Variants in ZDHHC21 observed in about 807,000 individuals in gnomAD.
ZDHHC21 encodes the protein zDHHC palmitoyltransferase 21, also known as palmitoyltransferase ZDHHC21.
In ZDHHC21, 15 loss-of-function variants were observed where a neutral mutation model predicts 34.6. The observed-to-expected ratio is 0.43, with a 90% confidence interval of 0.29 to 0.67. ZDHHC21 has a LOEUF of 0.67. Ranked by LOEUF, ZDHHC21 falls within the 30% of genes least tolerant of loss-of-function variation. The probability of loss-of-function intolerance (pLI) is 0.14; values close to 1 mark genes in which losing one functional copy is unlikely to be tolerated. For synonymous variants in ZDHHC21, 142 were observed against 101.8 expected, an observed-to-expected ratio of 1.40 and a Z score of -2.38; for missense variants, 344 against 327.7, an observed-to-expected ratio of 1.05 and a Z score of -0.38.
chr9:14,654,616 T>G (rs1056466315), intron 7 of ZDHHC21, among the ~76,000 whole-genome samples: 1 of 151,920 alleles, frequency 6.6e-6, no homozygotes, highest in East Asian at 1.9e-4. Context: ...TTAACACGTT[T>G]AAAAAAATAG....
At chr9:14,648,142 T>G (rs1830593209) in intron 7 of ZDHHC21, among the ~76,000 whole-genome samples, 2 of 152,126 alleles carry the variant, frequency 1.3e-5, no homozygotes, top group South Asian at 4.1e-4. Context: ...GCATTCTATC[T>G]CACAGCCCAC....
At chr9:14,621,178 G>A (rs926730276) in intron 8 of ZDHHC21, among the ~76,000 whole-genome samples, 7 of 151,976 alleles carry the variant, frequency 4.6e-5, no homozygotes, top group Admixed American at 3.9e-4. Flanking sequence ...AGAAGTCAAC[G>A]AGAAAGCTGA....
At chr9:14,607,857 C>T (rs760376470), downstream of ZDHHC21, among the ~76,000 whole-genome samples, 2 of 152,072 alleles carry the variant, frequency 1.3e-5, no homozygotes, top group African/African-American at 4.8e-5. Flanking sequence ...CCTACCACAG[C>T]GATTACCCAA....
At chr9:14,672,672 A>G (rs959399165) in intron 5 of ZDHHC21, among the ~76,000 whole-genome samples, 158 bp downstream of exon 5, 1 of 152,040 alleles carries the variant, frequency 6.6e-6, no homozygotes, top group African/African-American at 2.4e-5. Flanking sequence ...CAGGGTTGCA[A>G]TTTTAAGTAG....
chr9:14,615,133 A>G lies in ZDHHC21; in HGVS notation c.*3833T>C, dbSNP rs974537973. On this transcript the variant is annotated 3_prime_UTR_variant, in exon 10 of 10. Transcript: ENST00000380916. ...AACTACCCCATGATCTAACACACAG[A>G]AAATTGTGTAGCTATAATCTAAATC... is the stretch of plus-strand genomic sequence containing the variant. The G allele has an allele frequency of 5.9e-5, 9 of 151,738 alleles. No individual in the cohort carries two copies. Among genetic ancestry groups the G allele is most frequent in the African/African-American group, 1.9e-4 (8 of 41,428 alleles). The allele number at this position is 151,738 out of a possible 1,614,324, so 9.4% of individuals were successfully genotyped here.
intron 5 of ZDHHC21, among the ~76,000 whole-genome samples, chr9:14,663,002 C>T (rs1483250513): frequency 2.0e-5 from 3 of 152,160 alleles, no homozygotes; most frequent in South Asian, 2.1e-4. Context: ...TCATAAAACA[C>T]TGAACTACCA....
At chr9:14,598,833 C>A in the ZDHHC21 span, among the ~76,000 whole-genome samples, 56 of 152,292 alleles carry the variant, frequency 3.7e-4, no homozygotes, top group African/African-American at 1.3e-3. Context: ...CCTCACACTG[C>A]AGCCTCAACC....
chr9:14,684,165 C>T (rs1317063031), intron 2 of ZDHHC21, among the ~76,000 whole-genome samples: 1 of 151,050 alleles, frequency 6.6e-6, no homozygotes, highest in African/African-American at 2.4e-5. Context: ...CCTCTCTCAC[C>T]ACTCCTATTC....
chr9:14,646,451 G>C (rs888719213), intron 7 of ZDHHC21, among the ~76,000 whole-genome samples: 14 of 152,066 alleles, frequency 9.2e-5, no homozygotes, highest in Admixed American at 5.2e-4. Flanking sequence ...ATAAAAGTTA[G>C]TTATAAATGG....
intron 2 of ZDHHC21, among the ~76,000 whole-genome samples, chr9:14,685,853 C>T (rs1838221515): frequency 6.6e-6 from 1 of 152,182 alleles, no homozygotes; most frequent in Non-Finnish European, 1.5e-5. Context: ...GCACATTATA[C>T]ACCATGGAAT....
the ZDHHC21 span, among the ~76,000 whole-genome samples, chr9:14,603,397 G>A: frequency 6.6e-6 from 1 of 152,018 alleles, no homozygotes; most frequent in Admixed American, 6.6e-5. Flanking sequence ...AAATTTTTAA[G>A]ATAACCACTG....
the ZDHHC21 span, among the ~76,000 whole-genome samples, chr9:14,595,781 A>G: frequency 6.6e-6 from 1 of 152,232 alleles, no homozygotes; most frequent in African/African-American, 2.4e-5. Flanking sequence ...AGGAAAAAAA[A>G]GAAGACATCT....
chr9:14,644,538 C>A (rs780951393), intron 7 of ZDHHC21, among the ~76,000 whole-genome samples: 5 of 151,574 alleles, frequency 3.3e-5, no homozygotes, highest in Admixed American at 6.6e-5. Context: ...GAAGAAAGAC[C>A]ATTTATCTGA....
In ZDHHC21 at chr9:14,616,175, G is replaced by C. The variant is rs1824115782; in HGVS notation, c.*2791C>G. 1 of 151,598 alleles carries C rather than the reference G, an allele frequency of 6.6e-6. No homozygotes were observed. The allele number at this position is 151,598 out of a possible 1,614,324, so 9.4% of individuals were successfully genotyped here. A position where few individuals can be genotyped will look rare whatever the true frequency, so the allele number is the denominator to read the frequency against. The stretch of plus-strand genomic sequence containing the variant: ...ATTCATTAAAACACAGAAAATGCTT[G>C]GTTGTCTTTGTAGCTACAATACATT... On this transcript the variant is annotated 3_prime_UTR_variant, in exon 10 of 10. Transcript: ENST00000380916.
At position 14,619,044 on chromosome 9, in the gene ZDHHC21, A is replaced by G; in HGVS notation, c.720T>C (p.Arg240=). Residue 240 remains arginine, a synonymous_variant, in exon 10 of 10, where the codon CGT becomes CGC. Coordinates refer to ENST00000380916, the MANE Select transcript of ZDHHC21 (RefSeq NM_178566.6). ...QQTFSEVFGT[R]WKILWFIPFR... is the part of the protein sequence containing the mutation. Reference sequence around the variant, plus strand: ...AAGGAATGAACCACAGGATCTTCCAACGAGTGCCAAAAACTTCTGAGAAGG... The same window carrying G: ...AAGGAATGAACCACAGGATCTTCCAGCGAGTGCCAAAAACTTCTGAGAAGG... 1 of 1,612,458 alleles carries G rather than the reference A, an allele frequency of 6.2e-7. No individual in the cohort carries two copies. The highest frequency in any genetic ancestry group is 8.5e-7 in the Non-Finnish European group (1 of 1,179,122).
Position 14,685,139 on chromosome 9 carries a change from A to G in ZDHHC21, c.-175-4977T>C, listed in dbSNP as rs542370180. Among the ~76,000 whole-genome samples the G allele has an allele frequency of 4.1e-3, 627 of 152,028 alleles. 5 individuals are homozygous for G. Among genetic ancestry groups the G allele is most frequent in the African/African-American group, 0.014 (595 of 41,518 alleles). On this transcript the variant is annotated intron_variant, in intron 2 of 9. Coordinates refer to ENST00000380916, the MANE Select transcript of ZDHHC21 (RefSeq NM_178566.6). ...AGGCAATACCATTCAGGACATAGGCATGGGCAAGGACTTCATGTCTAAAAC... is the reference window on the plus strand; with the variant it reads ...AGGCAATACCATTCAGGACATAGGCGTGGGCAAGGACTTCATGTCTAAAAC...
intron 2 of ZDHHC21, 105 bp downstream of exon 2, chr9:14,690,232 G>A (rs187815307): frequency 1.0e-5 from 4 of 392,604 alleles, no homozygotes; most frequent in East Asian, 7.6e-5. Flanking sequence ...AGAGATTGGT[G>A]GGGGGTTGGG....
At chr9:14,683,283 C>A (rs1032954779) in intron 2 of ZDHHC21, among the ~76,000 whole-genome samples, 40 of 151,624 alleles carry the variant, frequency 2.6e-4, no homozygotes, top group Non-Finnish European at 4.6e-4. Flanking sequence ...AAAAGATCAA[C>A]AAAATTGATA....
rs1824333283 is a variant in ZDHHC21 at position 14,617,030 on chromosome 9, T to G, written c.*1936A>C. 1 of 151,920 alleles carries G rather than the reference T, an allele frequency of 6.6e-6. No individual in the cohort carries two copies. The highest frequency in any genetic ancestry group is 1.5e-5 in the Non-Finnish European group (1 of 67,892). The allele number at this position is 151,920 out of a possible 1,614,324, so 9.4% of individuals were successfully genotyped here. ...TTAGGTGATCTTCACTTGGCTCTGCTGTTTTCTCAAGGTCTTTATTTGAAA... is the reference window on the plus strand; with the variant it reads ...TTAGGTGATCTTCACTTGGCTCTGCGGTTTTCTCAAGGTCTTTATTTGAAA... On this transcript the variant is annotated 3_prime_UTR_variant, in exon 10 of 10. Transcript: ENST00000380916.
Sources: gnomAD v4.1 joint callset for allele counts (sites outside exome capture counted in the v4.1 genomes callset) on GRCh38, gnomAD v4.1.1 for gene constraint, MANE v1.5 for transcripts, NCBI Gene and HGNC (gene_info 2026-07-23, HGNC 2026-07-21) for gene names.